The following SETD2 variants were observed in gnomAD, a reference collection of about 807,000 sequenced individuals.
The protein encoded by SETD2 is SET domain containing 2, histone lysine methyltransferase.
In SETD2, 31 loss-of-function variants were observed where a neutral mutation model predicts 242.1. That is an observed-to-expected ratio of 0.13 (90% CI 0.10 to 0.17). The LOEUF (loss-of-function observed/expected upper bound fraction) is 0.17. Among genes scored for constraint, SETD2 ranks in the 10% least tolerant of loss-of-function variants. SETD2 has a pLI of 1.00. For synonymous variants in SETD2, 1,006 were observed against 1,066.5 expected, an observed-to-expected ratio of 0.94 and a Z score of 1.11; for missense variants, 2,481 against 3,046.3, an observed-to-expected ratio of 0.81 and a Z score of 4.37.
chr3:47,100,172 C>T (rs192199030), intron 8 of SETD2, among the ~76,000 whole-genome samples: 1 of 152,004 alleles, frequency 6.6e-6, no homozygotes, highest in East Asian at 1.9e-4. Context: ...GAACTCTTGA[C>T]CTCGTGATCT....
intron 5 of SETD2, 136 bp downstream of exon 5, chr3:47,113,739 TA>T: frequency 1.4e-6 from 1 of 717,052 alleles, no homozygotes; most frequent in Non-Finnish European, 2.2e-6. Context: ...CTTGAGAGGC[TA>T]AGGCAGGAGA....
chr3:47,117,332 AAGATG>A (rs1186604769), intron 3 of SETD2, among the ~76,000 whole-genome samples: 1 of 151,650 alleles, frequency 6.6e-6, no homozygotes. Flanking sequence ...GCAAATGGGG[AAGATG>A]AGATGAGTTC....
chr3:47,083,417 C>T (rs770042193), intron 12 of SETD2, among the ~76,000 whole-genome samples: 1 of 152,016 alleles, frequency 6.6e-6, no homozygotes, highest in Non-Finnish European at 1.5e-5. Context: ...AAATAGAATC[C>T]TAAGTTTGCT....
chr3:47,138,923 A>G (rs1459982755), intron 1 of SETD2, among the ~76,000 whole-genome samples: 1 of 152,126 alleles, frequency 6.6e-6, no homozygotes, highest in African/African-American at 2.4e-5. Flanking sequence ...TTTAAGTTCA[A>G]ATCTAGATCA....
At position 47,062,250 on chromosome 3, in the gene SETD2, G is replaced by C. The variant is rs2040365391; in HGVS notation, c.6206C>G (p.Thr2069Ser). ...TCGTTTCCTTTTCTCTTTATTTTGA[G>C]TTTGCTTGTCTGGGTCTCTCTCTCT... ...RSRERDPDKQ[T>S]QNKEKRKRRS... The change falls in exon 14 of 21, where the codon ACT (threonine) becomes AGT (serine). Residue 2069 changes from threonine to serine, a missense_variant. Thr to Ser is a moderately conservative substitution (Grantham distance 58). Coordinates refer to ENST00000409792, the MANE Select transcript of SETD2 (RefSeq NM_014159.7). The C allele has an allele frequency of 6.2e-7, 1 of 1,614,078 alleles. No individual in the cohort carries two copies. Among genetic ancestry groups the C allele is most frequent in the East Asian group, 2.2e-5 (1 of 44,878 alleles).
At chr3:47,129,527 C>T (rs1221272922) in intron 1 of SETD2, among the ~76,000 whole-genome samples, 1 of 152,174 alleles carries the variant, frequency 6.6e-6, no homozygotes, top group Non-Finnish European at 1.5e-5. Flanking sequence ...GGTGAGCAGA[C>T]AAGTTGTTTA....
chr3:47,064,481 T>C (rs2040475005), intron 13 of SETD2: 1 of 186,720 alleles, frequency 5.4e-6, no homozygotes, highest in Non-Finnish European at 1.2e-5. Context: ...CCCAGGTTTC[T>C]TACCTAGTAT....
intron 9 of SETD2, among the ~76,000 whole-genome samples, chr3:47,097,502 A>G (rs890216600): frequency 1.3e-5 from 2 of 152,186 alleles, no homozygotes; most frequent in African/African-American, 4.8e-5. Context: ...AAATAAAAAG[A>G]GCATCTGTGA....
At position 47,088,275 on chromosome 3, in the gene SETD2, T is replaced by A. The variant is rs768425030; in HGVS notation, c.5143-28A>T. 2.6e-6 allele frequency: 4 copies of A among 1,565,516 alleles called. No homozygotes were observed. The African/African-American group carries it at 4.2e-5, about 16-fold the overall frequency. On this transcript the variant is annotated intron_variant, in intron 9 of 20. Transcript: ENST00000409792. Reference sequence around the variant, plus strand: ...ACCACAGCAAATAAAAATACCTTTTTATAAAACAACAACAACAAAAAAAAA... The same window carrying A: ...ACCACAGCAAATAAAAATACCTTTTAATAAAACAACAACAACAAAAAAAAA...
chr3:47,158,539 A>G (rs900192684), intron 1 of SETD2, among the ~76,000 whole-genome samples: 1 of 152,084 alleles, frequency 6.6e-6, no homozygotes, highest in Non-Finnish European at 1.5e-5. Context: ...TGAATAATAT[A>G]TTTTCACTTC....
intron 18 of SETD2, among the ~76,000 whole-genome samples, chr3:47,033,108 TCTATCCCCAACAATGCCC>T (rs1246997414): frequency 2.0e-5 from 3 of 152,142 alleles, no homozygotes; most frequent in Admixed American, 6.5e-5. Context: ...ATCCCCAAGA[TCTATCCCCAACAATGCCC>T]TTCCAACCTC....
At chr3:47,094,306 G>T (rs2041922004) in intron 9 of SETD2, among the ~76,000 whole-genome samples, 1 of 152,128 alleles carries the variant, frequency 6.6e-6, no homozygotes, top group Non-Finnish European at 1.5e-5. Flanking sequence ...CACCTGTCCT[G>T]GAAGAGCTTA....
chr3:47,037,840 A>T (rs1412102875), intron 17 of SETD2, 63 bp from the exon 18 acceptor site: 7 of 1,082,080 alleles, frequency 6.5e-6, no homozygotes, highest in Non-Finnish European at 8.6e-6. Flanking sequence ...TGACATAAAC[A>T]TCACTGCTCA....
At chr3:47,046,815 T>G (rs1369216575) in intron 15 of SETD2, 194 bp from the exon 16 acceptor site, 4 of 379,728 alleles carry the variant, frequency 1.1e-5, no homozygotes, top group African/African-American at 8.3e-5. Context: ...AATTCCCTAT[T>G]CATTTACTTA....
At chr3:47,129,808 C>T (rs372305283) in intron 1 of SETD2, among the ~76,000 whole-genome samples, 2 of 151,106 alleles carry the variant, frequency 1.3e-5, no homozygotes, top group South Asian at 2.1e-4. Flanking sequence ...TCGCTTGAAC[C>T]GGGAAGCGGA....
chr3:47,132,878 C>T (rs1373622439), intron 1 of SETD2, among the ~76,000 whole-genome samples: 1 of 152,092 alleles, frequency 6.6e-6, no homozygotes, highest in Non-Finnish European at 1.5e-5. Flanking sequence ...AAAAATTAGC[C>T]TATTAAAATT....
At chr3:47,036,903 T>C (rs1325574298) in intron 18 of SETD2, among the ~76,000 whole-genome samples, 1 of 24,448 alleles carries the variant, frequency 4.1e-5, no homozygotes, top group Non-Finnish European at 7.5e-5. Context: ...CTCCGTCTCA[T>C]TTAAAAAAAA....
intron 5 of SETD2, among the ~76,000 whole-genome samples, chr3:47,111,006 A>G (rs1225985583): frequency 2.0e-5 from 3 of 151,094 alleles, no homozygotes; most frequent in South Asian, 2.1e-4. Flanking sequence ...AGATACCACA[A>G]AAGACCAGCA....
rs2042749149 is a variant in SETD2 at position 47,113,794 on chromosome 3, G to A, written c.4715+82C>T. On this transcript the variant is annotated intron_variant, in intron 5 of 20. Transcript: ENST00000409792. ...GTAGAGGTTCCAGTGAGCCAAGATC[G>A]TGCCACTGCACTCCAGTCTGGGTGA... 12 of 1,380,768 alleles carry A rather than the reference G, an allele frequency of 8.7e-6. No homozygotes were observed. The Admixed American group carries it at 9.0e-5, about 10-fold the overall frequency. 85.5% of individuals were successfully genotyped at this position (1,380,768 alleles called of 1,614,324 possible).
Sources: allele counts gnomAD v4.1 joint callset (sites outside exome capture counted in the v4.1 genomes callset), GRCh38; gene constraint gnomAD v4.1.1; transcripts MANE v1.5; gene names NCBI Gene and HGNC (gene_info 2026-07-23, HGNC 2026-07-21).